The following PTPRD variants were observed in gnomAD, a reference collection of about 807,000 sequenced individuals.
The protein encoded by PTPRD is receptor-type tyrosine-protein phosphatase delta.
A neutral mutation model predicts 214.5 loss-of-function variants in PTPRD; 34 were observed. The observed-to-expected ratio is 0.16, with a 90% CI of 0.12 to 0.21. PTPRD has a LOEUF of 0.21. Ranked by LOEUF, PTPRD falls within the 10% of genes least tolerant of loss-of-function variation. PTPRD has a pLI of 1.00. For synonymous variants in PTPRD, 1,128 were observed against 845.7 expected, an observed-to-expected ratio of 1.33 and a Z score of -5.79; for missense variants, 2,545 against 2,398.7, an observed-to-expected ratio of 1.06 and a Z score of -1.27.
intron 9 of PTPRD, among the ~76,000 whole-genome samples, chr9:9,238,568 C>A (rs920087816): frequency 1.3e-5 from 2 of 152,032 alleles, no homozygotes; most frequent in Non-Finnish European, 2.9e-5. Flanking sequence ...AAAGTCTTGA[C>A]TGGAGGACAC....
chr9:9,329,952 T>C (rs1027739946), intron 9 of PTPRD, among the ~76,000 whole-genome samples: 5 of 152,168 alleles, frequency 3.3e-5, no homozygotes, highest in Non-Finnish European at 7.3e-5. Context: ...ATCCCTGTCA[T>C]GGGTAAGAGA....
chr9:9,544,440 T>C (rs1014411007), intron 8 of PTPRD, among the ~76,000 whole-genome samples: 1 of 151,636 alleles, frequency 6.6e-6, no homozygotes, highest in Admixed American at 6.6e-5. Flanking sequence ...TTTCTTAACC[T>C]TTTTAAGGTT....
chr9:9,785,112 T>C (rs1351277102), intron 5 of PTPRD, among the ~76,000 whole-genome samples: 3 of 151,908 alleles, frequency 2.0e-5, no homozygotes, highest in Non-Finnish European at 4.4e-5. Flanking sequence ...TATGAAATTG[T>C]ATATTTTTGT....
intron 3 of PTPRD, among the ~76,000 whole-genome samples, chr9:10,208,310 C>CAA (rs2099495083): frequency 1.3e-5 from 2 of 152,120 alleles, no homozygotes; most frequent in Admixed American, 6.5e-5. Flanking sequence ...GTCAGGAGAT[C>CAA]GACGCCATCC....
At chr9:8,959,684 A>G (rs752576882) in intron 11 of PTPRD, among the ~76,000 whole-genome samples, 1 of 152,090 alleles carries the variant, frequency 6.6e-6, no homozygotes, top group Non-Finnish European at 1.5e-5. Context: ...ATTAATTTTA[A>G]TGAAAGAATC....
In PTPRD at chr9:10,104,405, A is replaced by C. The variant is rs148541422; in HGVS notation, c.-544-70615T>G. ...TTTAAAAATATCTGTTGAACTTCCT[A>C]TATACACGAACACACATATGCACAC... On this transcript the variant is annotated intron_variant, in intron 3 of 45. Coordinates refer to ENST00000381196, the MANE Select transcript of PTPRD (RefSeq NM_002839.4). Among the ~76,000 whole-genome samples, 117 of 151,872 alleles carry C rather than the reference A, an allele frequency of 7.7e-4. 2 individuals are homozygous for C. The South Asian group carries it at 0.022, about 29-fold the overall frequency.
chr9:9,759,069 C>T (rs1455776117), intron 6 of PTPRD, among the ~76,000 whole-genome samples: 1 of 151,992 alleles, frequency 6.6e-6, no homozygotes, highest in Non-Finnish European at 1.5e-5. Flanking sequence ...TTTATCAAAC[C>T]AATTTTGATG....
At chr9:9,960,720 A>C (rs192587025) in intron 4 of PTPRD, among the ~76,000 whole-genome samples, 42 of 152,314 alleles carry the variant, frequency 2.8e-4, no homozygotes, top group Non-Finnish European at 5.0e-4. Flanking sequence ...AACAATAAGG[A>C]AAGTCAGAAA....
chr9:9,832,456 T>C (rs2055201552), intron 5 of PTPRD, among the ~76,000 whole-genome samples: 1 of 152,020 alleles, frequency 6.6e-6, no homozygotes, highest in Admixed American at 6.6e-5. Context: ...TCATTTACTG[T>C]TCCATGTTAA....
intron 12 of PTPRD, among the ~76,000 whole-genome samples, chr9:8,642,745 C>T (rs576797327): frequency 1.4e-4 from 21 of 152,266 alleles, no homozygotes; most frequent in Admixed American, 1.4e-3. Flanking sequence ...CCAGCCACAG[C>T]ACATCCTATT....
chr9:8,346,130 T>G (rs1248397455), intron 39 of PTPRD, among the ~76,000 whole-genome samples: 1 of 152,076 alleles, frequency 6.6e-6, no homozygotes, highest in Non-Finnish European at 1.5e-5. Flanking sequence ...CACTCAGGTT[T>G]AAAACTGAAA....
chr9:9,678,446 C>T (rs1432601757), intron 7 of PTPRD, among the ~76,000 whole-genome samples: 1 of 151,886 alleles, frequency 6.6e-6, no homozygotes, highest in Non-Finnish European at 1.5e-5. Context: ...TTTGACAAAC[C>T]TGACAAAAAC....
chr9:9,456,728 T>C (rs1442149773), intron 8 of PTPRD, among the ~76,000 whole-genome samples: 2 of 151,832 alleles, frequency 1.3e-5, no homozygotes. Context: ...GTAAATAAAA[T>C]TAATAGGGTC....
chr9:10,361,050 C>A (rs555715362), intron 2 of PTPRD, among the ~76,000 whole-genome samples: 2 of 152,052 alleles, frequency 1.3e-5, no homozygotes, highest in Non-Finnish European at 2.9e-5. Context: ...TGTAGTGAGC[C>A]GAGATGGAGC....
rs573690898 is a variant in PTPRD at position 8,840,386 on chromosome 9, G to A, written c.-103-106440C>T. 1.3e-5 allele frequency among the ~76,000 whole-genome samples: 2 copies of A among 152,350 alleles called. 1 individual carries two copies. Among genetic ancestry groups the A allele is most frequent in the East Asian group, 3.9e-4 (2 of 5,184 alleles). On this transcript the variant is annotated intron_variant, in intron 11 of 45. Coordinates refer to ENST00000381196, the MANE Select transcript of PTPRD (RefSeq NM_002839.4). The stretch of plus-strand genomic sequence containing the variant: ...ACTCTCTTTGCCTGCTGCGATCCAT[G>A]TAAGAAGTAGCTTGCTCCTCCTTGC...
intron 7 of PTPRD, among the ~76,000 whole-genome samples, chr9:9,624,541 G>A (rs962827628): frequency 6.6e-6 from 1 of 152,012 alleles, no homozygotes; most frequent in Non-Finnish European, 1.5e-5. Flanking sequence ...GCCTGCCTTG[G>A]CCTCCCAAGG....
chr9:8,330,525 G>C (rs1176933086), intron 44 of PTPRD, among the ~76,000 whole-genome samples: 1 of 151,706 alleles, frequency 6.6e-6, no homozygotes, highest in East Asian at 1.9e-4. Flanking sequence ...TTTCCTACAA[G>C]CTCTTTGGTT....
At chr9:8,714,485 A>G (rs2154408729) in intron 12 of PTPRD, among the ~76,000 whole-genome samples, 1 of 152,236 alleles carries the variant, frequency 6.6e-6, no homozygotes, top group East Asian at 1.9e-4. Context: ...AGGAAGCCTG[A>G]CCTCCAGATA....
intron 35 of PTPRD, among the ~76,000 whole-genome samples, chr9:8,425,865 T>A (rs960459326): frequency 6.6e-6 from 1 of 152,166 alleles, no homozygotes; most frequent in Non-Finnish European, 1.5e-5. Context: ...CAGGACAGTT[T>A]CCATTCGTCA....
Sources: allele counts gnomAD v4.1 joint callset (sites outside exome capture counted in the v4.1 genomes callset), GRCh38; gene constraint gnomAD v4.1.1; transcripts MANE v1.5; gene names NCBI Gene and HGNC (gene_info 2026-07-23, HGNC 2026-07-21).